SUMF1: variants seen among roughly 807,000 people sequenced by gnomAD.
SUMF1 encodes the protein sulfatase modifying factor 1.
Under a neutral mutation model 47.6 loss-of-function variants are expected in SUMF1, and 48 were observed. The ratio of observed to expected loss-of-function variants is 1.01; its 90% CI spans 0.80 to 1.28. The LOEUF is 1.28. Among genes scored for constraint, SUMF1 ranks in the 50% most tolerant of loss-of-function variants. The probability of loss-of-function intolerance (pLI) is 0.00; values close to 1 mark genes in which losing one functional copy is unlikely to be tolerated. For synonymous variants in SUMF1, 230 were observed against 192.1 expected, an observed-to-expected ratio of 1.20 and a Z score of -1.63; for missense variants, 571 against 485.4, an observed-to-expected ratio of 1.18 and a Z score of -1.66.
chr3:4,317,394 GA>G (rs1698708180), intron 8 of SUMF1: 4 of 651,638 alleles, frequency 6.1e-6, no homozygotes, highest in Admixed American at 3.0e-5. Context: ...TAAGAATGTA[GA>G]AATGTGGCCT....
At chr3:4,199,603 G>A (rs1370603441) in intron 8 of SUMF1, among the ~76,000 whole-genome samples, 1 of 152,052 alleles carries the variant, frequency 6.6e-6, no homozygotes, top group African/African-American at 2.4e-5. Flanking sequence ...ATGTATGAGG[G>A]CTCCAGTTTC....
rs550617532 is a variant in SUMF1, at chr3:4,381,902, CG to C, written c.955-5514del. Among the ~76,000 whole-genome samples the C allele has an allele frequency of 5.3e-5, 8 of 152,040 alleles. No individual in the cohort carries two copies. In the South Asian group the frequency reaches 6.2e-4, roughly 12 times the overall value. ...CTCTACAAAAAATACAAAAATTAGC[CG>C]GGCGTGGTGGGGCACGCCTGTAGTC... On this transcript the variant is annotated intron_variant, in intron 7 of 8. Transcript: ENST00000272902.
intron 8 of SUMF1, among the ~76,000 whole-genome samples, chr3:4,077,657 C>T (rs531046677): frequency 1.4e-4 from 21 of 151,984 alleles, no homozygotes; most frequent in Middle Eastern, 3.4e-3. Context: ...GGCCTGTCAT[C>T]GGGTTGGGGG....
downstream of SUMF1, among the ~76,000 whole-genome samples, chr3:4,360,681 G>A (rs1413858520): frequency 2.0e-5 from 3 of 152,062 alleles, no homozygotes; most frequent in African/African-American, 7.2e-5. Context: ...AAGAGGCTAA[G>A]CACAAAAGTA....
chr3:4,132,084 C>T lies in SUMF1; in HGVS notation c.1015-63339G>A, dbSNP rs1456706843. Among the ~76,000 whole-genome samples, 3 of 152,140 alleles carry T rather than the reference C, an allele frequency of 2.0e-5. No individual in the cohort carries two copies. In the East Asian group the frequency reaches 5.8e-4, roughly 29 times the overall value. On this transcript the variant is annotated intron_variant and NMD_transcript_variant, in intron 8 of 12. Coordinates refer to the SUMF1 transcript ENST00000448413. ...CTGGTGGCAGGTTGGTTATATTGGA[C>T]CTCTTCCATCATGGAAAGGGCAGAG... is the stretch of plus-strand genomic sequence containing the variant.
chr3:4,133,434 T>C (rs971021377), intron 8 of SUMF1, among the ~76,000 whole-genome samples: 1 of 152,154 alleles, frequency 6.6e-6, no homozygotes, highest in Non-Finnish European at 1.5e-5. Context: ...TAATACTAAG[T>C]GTCAACTTGA....
At chr3:4,248,857 C>T (rs1441790012) in intron 8 of SUMF1, among the ~76,000 whole-genome samples, 3 of 152,144 alleles carry the variant, frequency 2.0e-5, no homozygotes, top group East Asian at 1.9e-4. Flanking sequence ...GGAGGAAAAC[C>T]GGACATTCCC....
intron 7 of SUMF1, among the ~76,000 whole-genome samples, chr3:4,399,042 A>G (rs1393286829): frequency 6.6e-6 from 1 of 152,106 alleles, no homozygotes; most frequent in Non-Finnish European, 1.5e-5. Context: ...TGAGTCCAAG[A>G]CCACATCTTC....
chr3:4,311,949 A>G (rs202022451), intron 8 of SUMF1, among the ~76,000 whole-genome samples: 3 of 152,264 alleles, frequency 2.0e-5, no homozygotes, highest in East Asian at 3.8e-4. Context: ...GGATCTAACC[A>G]GAGATCAGGC....
intron 9 of SUMF1, among the ~76,000 whole-genome samples, chr3:4,035,177 A>C (rs1694771124): frequency 6.6e-6 from 1 of 152,154 alleles, no homozygotes; most frequent in African/African-American, 2.4e-5. Flanking sequence ...GCTATGCATT[A>C]TTTTCCTGTC....
At chr3:4,401,285 A>G (rs1400557665) in intron 7 of SUMF1, among the ~76,000 whole-genome samples, 1 of 152,066 alleles carries the variant, frequency 6.6e-6, no homozygotes, top group Non-Finnish European at 1.5e-5. Flanking sequence ...ACGTGTGCAT[A>G]TGTCTTTATA....
At chr3:4,398,050 G>C (rs1389573341) in intron 7 of SUMF1, among the ~76,000 whole-genome samples, 1 of 152,140 alleles carries the variant, frequency 6.6e-6, no homozygotes, top group Admixed American at 6.6e-5. Context: ...ACTTGCTCCA[G>C]GTTATTCAGC....
intron 3 of SUMF1, among the ~76,000 whole-genome samples, chr3:4,432,492 T>C (rs1702264062): frequency 6.6e-6 from 1 of 152,128 alleles, no homozygotes; most frequent in Non-Finnish European, 1.5e-5. Flanking sequence ...AATCCAACCC[T>C]GCCTACTTCT....
At chr3:4,104,247 G>C (rs1474768671) in intron 8 of SUMF1, among the ~76,000 whole-genome samples, 2 of 152,008 alleles carry the variant, frequency 1.3e-5, no homozygotes, top group Non-Finnish European at 2.9e-5. Context: ...CCTTATGCTT[G>C]ACTCTCATTC....
intron 8 of SUMF1, among the ~76,000 whole-genome samples, chr3:4,332,609 T>G (rs1699071576): frequency 1.3e-5 from 2 of 152,210 alleles, no homozygotes; most frequent in Non-Finnish European, 2.9e-5. Flanking sequence ...TAAAGATGTT[T>G]CTTTTACAAA....
chr3:4,104,508 C>T (rs1214832952), intron 8 of SUMF1, among the ~76,000 whole-genome samples: 2 of 152,046 alleles, frequency 1.3e-5, no homozygotes, highest in Non-Finnish European at 2.9e-5. Context: ...TCTTTAGCTT[C>T]CCAGAGAGGT....
intron 8 of SUMF1, among the ~76,000 whole-genome samples, chr3:4,306,553 C>T (rs1020331737): frequency 1.3e-5 from 2 of 152,104 alleles, no homozygotes; most frequent in African/African-American, 4.8e-5. Flanking sequence ...GTTAGAGTTA[C>T]AAAAATAAGA....
chr3:4,049,803 G>A (rs745679677), intron 9 of SUMF1, among the ~76,000 whole-genome samples: 1 of 152,080 alleles, frequency 6.6e-6, no homozygotes, highest in African/African-American at 2.4e-5. Flanking sequence ...CCAAGCTCTC[G>A]TCCAACATCC....
At chr3:4,044,904 A>G (rs1421999232) in intron 9 of SUMF1, among the ~76,000 whole-genome samples, 1 of 152,226 alleles carries the variant, frequency 6.6e-6, no homozygotes, top group African/African-American at 2.4e-5. Context: ...TATTATATGA[A>G]ATTTAAGGAC....
Sources: allele counts gnomAD v4.1 joint callset (sites outside exome capture counted in the v4.1 genomes callset), GRCh38; gene constraint gnomAD v4.1.1; transcripts MANE v1.5; gene names NCBI Gene and HGNC (gene_info 2026-07-23, HGNC 2026-07-21).